Variants in SYT1 observed in about 807,000 individuals in gnomAD.
The protein encoded by SYT1 is synaptotagmin 1.
SYT1 carries 8 observed loss-of-function variants against 44.8 expected under a neutral mutation model. That is an observed-to-expected ratio of 0.18 (90% CI 0.10 to 0.32). The LOEUF (loss-of-function observed/expected upper bound fraction) is 0.32. SYT1 is among the 10% of genes least tolerant of loss of function. The probability of loss-of-function intolerance (pLI) is 1.00; values close to 1 mark genes in which losing one functional copy is unlikely to be tolerated. For missense variants in SYT1, 286 were observed against 509.3 expected (o/e 0.56, Z 4.22); for synonymous variants, 154 against 188.8 (o/e 0.82, Z 1.51).
intron 2 of SYT1, among the ~76,000 whole-genome samples, chr12:79,001,267 A>T (rs1870723917): frequency 1.3e-5 from 2 of 152,004 alleles, no homozygotes; most frequent in African/African-American, 4.8e-5. Flanking sequence ...TTTTAAAAAA[A>T]AAAAAGCCCC....
At chr12:79,093,019 A>T (rs59601041) in intron 3 of SYT1, among the ~76,000 whole-genome samples, 1 of 151,690 alleles carries the variant, frequency 6.6e-6, no homozygotes, top group Non-Finnish European at 1.5e-5. Context: ...TGTGAATAAC[A>T]TATCTATAAA....
chr12:78,958,939 C>G (rs1201789192), intron 1 of SYT1, among the ~76,000 whole-genome samples: 1 of 152,042 alleles, frequency 6.6e-6, no homozygotes, highest in East Asian at 1.9e-4. Flanking sequence ...TATGCTAACT[C>G]AAACTTCATT....
intron 9 of SYT1, among the ~76,000 whole-genome samples, chr12:79,382,561 C>G (rs1884268501): frequency 6.6e-6 from 1 of 151,570 alleles, no homozygotes; most frequent in Non-Finnish European, 1.5e-5. Context: ...ATCAGAGAGT[C>G]CAGAGAGGAA....
chr12:79,314,929 A>C (rs1881008632), intron 8 of SYT1, among the ~76,000 whole-genome samples: 1 of 152,220 alleles, frequency 6.6e-6, no homozygotes, highest in Non-Finnish European at 1.5e-5. Context: ...TCATGAGCCA[A>C]AATAGGCAAA....
At chr12:79,068,731 C>T (rs1302902588) in intron 3 of SYT1, among the ~76,000 whole-genome samples, 1 of 151,996 alleles carries the variant, frequency 6.6e-6, no homozygotes, top group East Asian at 1.9e-4. Context: ...GAGAAGTAAC[C>T]TGCCGGGCAT....
intron 1 of SYT1, among the ~76,000 whole-genome samples, chr12:78,869,873 C>T (rs903849202): frequency 2.0e-5 from 3 of 151,836 alleles, no homozygotes; most frequent in African/African-American, 7.3e-5. Flanking sequence ...ACTGCTATTG[C>T]GGAAATACAA....
At chr12:79,126,219 A>G (rs951185169) in intron 3 of SYT1, among the ~76,000 whole-genome samples, 8 of 152,070 alleles carry the variant, frequency 5.3e-5, no homozygotes, top group African/African-American at 1.9e-4. Flanking sequence ...ACCCATATAT[A>G]TGGCCATTAA....
rs370028750 is a variant in SYT1, at chr12:79,122,407, G to A, written c.-18+75045G>A. ...CGGGCGCCTGTAGTCCCAGCTACTC[G>A]GGAGGCTGAGGCAGGAGAATGGCGT... is the stretch of plus-strand genomic sequence containing the variant. On this transcript the variant is annotated intron_variant, in intron 3 of 10. Coordinates refer to ENST00000261205, the MANE Select transcript of SYT1 (RefSeq NM_005639.3). Among the ~76,000 whole-genome samples the A allele has an allele frequency of 2.7e-5, 4 of 148,010 alleles. No homozygotes were observed. The East Asian group carries it at 8.0e-4, about 30-fold the overall frequency.
chr12:79,083,999 G>C (rs537357079), intron 3 of SYT1, among the ~76,000 whole-genome samples: 1 of 152,268 alleles, frequency 6.6e-6, no homozygotes, highest in Admixed American at 6.5e-5. Flanking sequence ...CAAGGAGAGA[G>C]GCAGGTTGAG....
intron 3 of SYT1, among the ~76,000 whole-genome samples, chr12:79,092,330 T>C (rs1469873686): frequency 6.6e-6 from 1 of 151,802 alleles, no homozygotes; most frequent in Non-Finnish European, 1.5e-5. Flanking sequence ...TGTGTCCTAT[T>C]AGAAAGAGAA....
intron 1 of SYT1, among the ~76,000 whole-genome samples, 165 bp downstream of exon 1, chr12:78,865,274 C>A (rs1295242945): frequency 6.6e-6 from 1 of 152,158 alleles, no homozygotes; most frequent in Non-Finnish European, 1.5e-5. Context: ...ACTACATGTG[C>A]ATCTCCTGGA....
intron 8 of SYT1, among the ~76,000 whole-genome samples, chr12:79,332,936 CATT>C (rs1175262487): frequency 1.2e-4 from 19 of 152,244 alleles, no homozygotes; most frequent in African/African-American, 4.6e-4. Context: ...TTCACAGTGA[CATT>C]ATGAAACTAT....
At chr12:79,219,810 A>T (rs755721709) in intron 4 of SYT1, among the ~76,000 whole-genome samples, 1 of 152,000 alleles carries the variant, frequency 6.6e-6, no homozygotes, top group African/African-American at 2.4e-5. Flanking sequence ...TACCTCCAGC[A>T]ATGTTCTTTT....
chr12:79,201,952 A>G (rs559629007), intron 3 of SYT1, among the ~76,000 whole-genome samples: 7 of 152,296 alleles, frequency 4.6e-5, no homozygotes, highest in African/African-American at 1.7e-4. Flanking sequence ...AAAAAAGTCT[A>G]AAGAAATGAG....
intron 1 of SYT1, among the ~76,000 whole-genome samples, chr12:78,890,040 G>GA (rs1163427190): frequency 1.3e-5 from 2 of 151,800 alleles, no homozygotes; most frequent in Admixed American, 6.6e-5. Context: ...TTGATTAAAA[G>GA]AAAAAAGTTC....
chr12:79,422,351 T>A (rs1869170974), intron 9 of SYT1, among the ~76,000 whole-genome samples: 1 of 151,980 alleles, frequency 6.6e-6, no homozygotes, highest in Non-Finnish European at 1.5e-5. Flanking sequence ...CTTTTAAGGT[T>A]GATTGGTTTT....
At chr12:79,072,236 C>G (rs1341710290) in intron 3 of SYT1, among the ~76,000 whole-genome samples, 2 of 151,992 alleles carry the variant, frequency 1.3e-5, no homozygotes, top group Non-Finnish European at 2.9e-5. Context: ...CACTCTAAAA[C>G]AGAATAATCA....
intron 3 of SYT1, among the ~76,000 whole-genome samples, chr12:79,050,201 A>C (rs749552160): frequency 2.0e-5 from 3 of 152,098 alleles, no homozygotes; most frequent in Non-Finnish European, 2.9e-5. Context: ...AGTGAAGAAA[A>C]TATTACTAAG....
At chr12:79,097,155 G>C (rs752085067) in intron 3 of SYT1, among the ~76,000 whole-genome samples, 3 of 151,898 alleles carry the variant, frequency 2.0e-5, no homozygotes, top group Non-Finnish European at 4.4e-5. Flanking sequence ...CAGGAAGGCT[G>C]AAGCCACAGA....
Sources: gnomAD v4.1 joint callset for allele counts (sites outside exome capture counted in the v4.1 genomes callset) on GRCh38, gnomAD v4.1.1 for gene constraint, MANE v1.5 for transcripts, NCBI Gene and HGNC (gene_info 2026-07-23, HGNC 2026-07-21) for gene names.